DMD: variants seen among roughly 807,000 people sequenced by gnomAD.
DMD encodes the protein dystrophin.
Under a neutral mutation model 330.1 loss-of-function variants are expected in DMD, and 63 were observed. The ratio of observed to expected loss-of-function variants is 0.19; its 90% CI spans 0.16 to 0.24. The LOEUF (loss-of-function observed/expected upper bound fraction) is 0.24. Among genes scored for constraint, DMD ranks in the 10% least tolerant of loss-of-function variants. The pLI is 1.00. For missense variants in DMD, 3,344 were observed against 2,684.1 expected (o/e 1.25, Z -5.43); for synonymous variants, 1,223 against 959.8 (o/e 1.27, Z -5.07).
intron 43 of DMD, among the ~76,000 whole-genome samples, chrX:32,257,235 T>C (rs1337855714): frequency 2.7e-5 from 3 of 111,975 alleles, no homozygotes; most frequent in South Asian, 3.7e-4. Context: ...AAAATGGCCA[T>C]ACTGTCCAAA....
intron 62 of DMD, among the ~76,000 whole-genome samples, chrX:31,311,089 G>C (rs2055484890): frequency 9.0e-6 from 1 of 111,590 alleles, no homozygotes; most frequent in African/African-American, 3.3e-5. Context: ...TCTGCAATAA[G>C]ATGAAATGTT....
intron 2 of DMD, among the ~76,000 whole-genome samples, chrX:32,866,594 A>T (rs1229177759): frequency 9.0e-6 from 1 of 111,417 alleles, no homozygotes; most frequent in Non-Finnish European, 1.9e-5. Context: ...GAACACAGTC[A>T]TTATATTCCA....
intron 78 of DMD, among the ~76,000 whole-genome samples, chrX:31,124,487 T>C (rs1279155050): frequency 1.8e-5 from 2 of 111,724 alleles, no homozygotes; most frequent in Non-Finnish European, 3.8e-5. Flanking sequence ...AGGTCATTAA[T>C]GTTACCTGAC....
At chrX:31,286,289 G>C (rs1020235642) in intron 62 of DMD, among the ~76,000 whole-genome samples, 2 of 111,888 alleles carry the variant, frequency 1.8e-5, no homozygotes, top group Non-Finnish European at 3.8e-5. Context: ...AAAGAAAGTA[G>C]AAATATAAAT....
chrX:32,804,486 A>T (rs1452828704), intron 7 of DMD, among the ~76,000 whole-genome samples: 2 of 112,428 alleles, frequency 1.8e-5, no homozygotes, highest in Non-Finnish European at 3.8e-5. Flanking sequence ...AGCGGCTTAC[A>T]GATAAAACTC....
chrX:31,670,914 C>CTT (rs751198197), intron 53 of DMD, among the ~76,000 whole-genome samples: 1 of 96,628 alleles, frequency 1.0e-5, no homozygotes, highest in Non-Finnish European at 2.1e-5. Flanking sequence ...ACAAAACCTT[C>CTT]TTTTTTTTTT....
At chrX:31,940,729 TAAA>T (rs1487812349) in intron 45 of DMD, among the ~76,000 whole-genome samples, 1 of 107,325 alleles carries the variant, frequency 9.3e-6, no homozygotes, top group Non-Finnish European at 1.9e-5. Flanking sequence ...AATATAGAAA[TAAA>T]GAAGCGAGGG....
rs763028610 is a variant in DMD, at chrX:31,121,426, TTGTGTG to T, written c.*487_*492del. On this transcript the variant is annotated 3_prime_UTR_variant, in exon 79 of 79. Coordinates refer to ENST00000357033, the MANE Select transcript of DMD (RefSeq NM_004006.3). Reference sequence around the variant, plus strand: ...CAAAACAATGCGCTGCCTCAAAGTTTTGTGTGTGTGTGTGTATGTGTGTGTGTGTGT... The same window carrying T: ...CAAAACAATGCGCTGCCTCAAAGTTTTGTGTGTGTATGTGTGTGTGTGTGT... 12 of 103,112 alleles carry T rather than the reference TTGTGTG, an allele frequency of 1.2e-4. No individual in the cohort carries two copies. The East Asian group carries it at 1.4e-3, about 12-fold the overall frequency. The allele number at this position is 103,112 out of a possible 1,213,427, so 8.5% of individuals were successfully genotyped here.
chrX:31,233,321 T>C (rs151126374), intron 63 of DMD, among the ~76,000 whole-genome samples: 1,951 of 111,936 alleles, frequency 0.017, 23 homozygotes, highest in Middle Eastern at 0.037. Context: ...CTCAACCTCA[T>C]TAATTAACGA....
At chrX:32,255,783 CAG>C (rs756124911) in intron 43 of DMD, among the ~76,000 whole-genome samples, 139 of 111,977 alleles carry the variant, frequency 1.2e-3, no homozygotes, top group African/African-American at 4.1e-3. Context: ...TCACAAATCA[CAG>C]AGTTATTTTA....
chrX:33,115,574 T>A (rs1205822519), intron 1 of DMD, among the ~76,000 whole-genome samples: 1 of 107,540 alleles, frequency 9.3e-6, no homozygotes, highest in African/African-American at 3.4e-5. Context: ...CTCAGTGGCG[T>A]GGTCTCGGCT....
At chrX:33,277,938 C>A in intron 1 of DMD, among the ~76,000 whole-genome samples, 1 of 110,484 alleles carries the variant, frequency 9.1e-6, no homozygotes, top group East Asian at 2.9e-4. Context: ...CCTGTCTACA[C>A]AAAACAATTT....
At chrX:32,172,155 A>C (rs1370135960) in intron 44 of DMD, among the ~76,000 whole-genome samples, 2 of 111,939 alleles carry the variant, frequency 1.8e-5, no homozygotes, top group East Asian at 5.6e-4. Flanking sequence ...GGTTTCAGAA[A>C]TAAGAAAAGC....
chrX:31,910,263 T>G (rs187500692), intron 47 of DMD, among the ~76,000 whole-genome samples: 1,126 of 109,887 alleles, frequency 0.01, 49 homozygotes, highest in Admixed American at 0.1. Flanking sequence ...AGTGAACATG[T>G]ATTAATCCTT....
chrX:32,838,967 C>T (rs2079908368), intron 4 of DMD, among the ~76,000 whole-genome samples: 1 of 112,118 alleles, frequency 8.9e-6, no homozygotes, highest in Admixed American at 9.4e-5. Context: ...TATGAAGACA[C>T]ATGCACACAT....
At chrX:31,598,635 C>T (rs1026769099) in intron 55 of DMD, among the ~76,000 whole-genome samples, 3 of 111,408 alleles carry the variant, frequency 2.7e-5, no homozygotes, top group African/African-American at 9.8e-5. Context: ...AAGAAAATTC[C>T]TTTGTACCAA....
chrX:31,448,774 T>A (rs1305107444), intron 59 of DMD, among the ~76,000 whole-genome samples: 1 of 112,089 alleles, frequency 8.9e-6, no homozygotes, highest in Non-Finnish European at 1.9e-5. Flanking sequence ...AAACCAAGTC[T>A]AATTTTATTA....
At chrX:31,500,317 T>C (rs766660871) in intron 56 of DMD, among the ~76,000 whole-genome samples, 7 of 112,473 alleles carry the variant, frequency 6.2e-5, no homozygotes, top group African/African-American at 1.9e-4. Flanking sequence ...CAATCTCTGC[T>C]TTCAACAAGA....
At chrX:33,258,859 A>G (rs1297853051) in intron 1 of DMD, among the ~76,000 whole-genome samples, 1 of 111,286 alleles carries the variant, frequency 9.0e-6, no homozygotes, top group Non-Finnish European at 1.9e-5. Context: ...AGGACTGTCT[A>G]GACTTTGGTA....
Sources: allele counts gnomAD v4.1 joint callset (sites outside exome capture counted in the v4.1 genomes callset), GRCh38; gene constraint gnomAD v4.1.1; transcripts MANE v1.5; gene names NCBI Gene and HGNC (gene_info 2026-07-23, HGNC 2026-07-21).